RAP1GAP2: variants seen among roughly 807,000 people sequenced by gnomAD.
RAP1GAP2 encodes the protein rap1 GTPase-activating protein 2.
In RAP1GAP2, 27 loss-of-function variants were observed where a neutral mutation model predicts 95.0. That is an observed-to-expected ratio of 0.28 (90% CI 0.21 to 0.39). RAP1GAP2 has a LOEUF of 0.39. Ranked by LOEUF, RAP1GAP2 falls within the 10% of genes least tolerant of loss-of-function variation. The probability of loss-of-function intolerance (pLI) is 1.00; values close to 1 mark genes in which losing one functional copy is unlikely to be tolerated. For missense variants in RAP1GAP2, 771 were observed against 970.0 expected (o/e 0.79, Z 2.72); for synonymous variants, 373 against 380.9 (o/e 0.98, Z 0.24).
At chr17:2,760,229 C>T (rs1490822206) in intron 1 of RAP1GAP2, among the ~76,000 whole-genome samples, 1 of 126,532 alleles carries the variant, frequency 7.9e-6, no homozygotes, top group Admixed American at 9.5e-5. Context: ...GGAGGCGGAG[C>T]TTGCAGTGAG....
chr17:2,878,068 G>A (rs769411890), intron 2 of RAP1GAP2, among the ~76,000 whole-genome samples: 16 of 152,084 alleles, frequency 1.1e-4, no homozygotes, highest in African/African-American at 1.4e-4. Context: ...GGACACACGC[G>A]TTACCTGGCA....
At chr17:3,021,234 T>C (rs528562402) in intron 19 of RAP1GAP2, among the ~76,000 whole-genome samples, 1 of 152,272 alleles carries the variant, frequency 6.6e-6, no homozygotes, top group South Asian at 2.1e-4. Context: ...TTATCAACTA[T>C]AGTCACTGTA....
chr17:2,948,170 C>T (rs890303604), intron 3 of RAP1GAP2, among the ~76,000 whole-genome samples: 1 of 152,214 alleles, frequency 6.6e-6, no homozygotes, highest in African/African-American at 2.4e-5. Context: ...GTCATGTTTT[C>T]AGCCCCATGC....
chr17:2,813,164 C>G (rs1473823730), intron 2 of RAP1GAP2, among the ~76,000 whole-genome samples: 1 of 151,512 alleles, frequency 6.6e-6, no homozygotes, highest in East Asian at 2.0e-4. Flanking sequence ...CTCCGCCTCC[C>G]AGGTTCAAGC....
rs1403452423 is a variant in RAP1GAP2, at chr17:2,963,833, C to G, written c.280-23C>G. 6 of 1,548,358 alleles carry G rather than the reference C, an allele frequency of 3.9e-6. No homozygotes were observed. The highest frequency in any genetic ancestry group is 1.9e-5 in the Admixed American group (1 of 52,412). ...CCTCCCCTGCGGTCCCAGGGGAGCG[C>G]ACGACCCTCCCTCTGCCTTCAGGTT... On this transcript the variant is annotated intron_variant, in intron 6 of 24. Transcript: ENST00000254695. This position sits in a 1 kb window ranked among gnomAD's most constrained non-coding sequence, Gnocchi z 4.8.
chr17:2,957,296 C>G (rs1295430761), intron 3 of RAP1GAP2, among the ~76,000 whole-genome samples: 1 of 152,200 alleles, frequency 6.6e-6, no homozygotes, highest in South Asian at 2.1e-4. Flanking sequence ...CCCTCCTTCC[C>G]TGGCTGCTGT....
chr17:2,856,533 A>G (rs1489940857), intron 2 of RAP1GAP2, among the ~76,000 whole-genome samples: 1 of 152,170 alleles, frequency 6.6e-6, no homozygotes, highest in Non-Finnish European at 1.5e-5. Context: ...CCAAGGTCAG[A>G]TGTCCGGTGG....
chr17:2,963,781 A>AG lies in RAP1GAP2; in HGVS notation c.280-74dup. Reference sequence around the variant, plus strand: ...CAGGCCCCACTCCTGGGAGCAGCGCAGAGGGGACACCGCCACCGGCCCCCT... The same window carrying AG: ...CAGGCCCCACTCCTGGGAGCAGCGCAGGAGGGGACACCGCCACCGGCCCCCT... On this transcript the variant is annotated intron_variant, in intron 6 of 24. Transcript: ENST00000254695. The surrounding 1 kb of genome is among the most constrained non-coding windows in gnomAD (Gnocchi z 4.8). The AG allele has an allele frequency of 7.7e-7, 1 of 1,305,996 alleles. No individual in the cohort carries two copies. Among genetic ancestry groups the AG allele is most frequent in the Non-Finnish European group, 1.1e-6 (1 of 949,054 alleles). 80.9% of individuals were successfully genotyped at this position (1,305,996 alleles called of 1,614,324 possible).
upstream of RAP1GAP2, among the ~76,000 whole-genome samples, chr17:2,793,065 G>A (rs557550147): frequency 6.6e-6 from 1 of 152,162 alleles, no homozygotes; most frequent in South Asian, 2.1e-4. Flanking sequence ...TCTCTCTCAT[G>A]TATGAAAGCG....
rs557494658 is a variant in RAP1GAP2 at position 3,015,932 on chromosome 17, G to A, written c.1495-2129G>A. Reference sequence around the variant, plus strand: ...CACAGTTGTACAGGTGTGCACAGGTGTGAATCCAGAGGGGAAGGGGAGCGG... The same window carrying A: ...CACAGTTGTACAGGTGTGCACAGGTATGAATCCAGAGGGGAAGGGGAGCGG... On this transcript the variant is annotated intron_variant, in intron 17 of 24. Transcript: ENST00000254695. 3.9e-5 allele frequency among the ~76,000 whole-genome samples: 6 copies of A among 152,292 alleles called. No homozygotes were observed. In the South Asian group the frequency reaches 1.0e-3, roughly 26 times the overall value.
chr17:3,016,850 G>A (rs1443423), intron 17 of RAP1GAP2, among the ~76,000 whole-genome samples: 104,797 of 152,080 alleles, frequency 0.69, 36,565 homozygotes, highest in Non-Finnish European at 0.75. Flanking sequence ...CAGCTAATGC[G>A]TGCTGGAGTA....
Position 3,005,549 on chromosome 17 carries a change from T to A in RAP1GAP2, c.1272+109T>A, listed in dbSNP as rs2046305378. On this transcript the variant is annotated intron_variant, in intron 15 of 24. Coordinates refer to ENST00000254695, the MANE Select transcript of RAP1GAP2 (RefSeq NM_015085.5). This position sits in a 1 kb window ranked among gnomAD's most constrained non-coding sequence, Gnocchi z 5.2. ...ATTCAGGCTGGGAACATTAGGGAGC[T>A]CCTTTTGCAGGTTTTGGGGGGAACC... The A allele has an allele frequency of 7.7e-6, 10 of 1,290,650 alleles. No homozygotes were observed. Among genetic ancestry groups the A allele is most frequent in the Non-Finnish European group, 1.1e-6 (1 of 887,162 alleles). 79.9% of individuals were successfully genotyped at this position (1,290,650 alleles called of 1,614,324 possible). A position where few individuals can be genotyped will look rare whatever the true frequency, so the allele number is the denominator to read the frequency against.
chr17:2,790,517 G>C (rs1472347577), intron 1 of RAP1GAP2, among the ~76,000 whole-genome samples: 1 of 152,204 alleles, frequency 6.6e-6, no homozygotes, highest in South Asian at 2.1e-4. Flanking sequence ...CAAAAGAGTA[G>C]GTCACCTGCC....
rs1018687416 is a variant in RAP1GAP2 at position 2,962,548 on chromosome 17, A to T, written c.202-122A>T. ...GGCCAGGTGTGATGTGTGCAGGCCC[A>T]GCACGGGCCAGCTTTTGCTGCTGCT... On this transcript the variant is annotated intron_variant, in intron 4 of 24. Transcript: ENST00000254695. 24 of 1,077,942 alleles carry T rather than the reference A, an allele frequency of 2.2e-5. No individual in the cohort carries two copies. In the African/African-American group the frequency reaches 3.7e-4, roughly 17 times the overall value. The allele number at this position is 1,077,942 out of a possible 1,614,324, so 66.8% of individuals were successfully genotyped here. A position where few individuals can be genotyped will look rare whatever the true frequency, so the allele number is the denominator to read the frequency against.
chr17:3,017,933 G>A (rs1369997689), intron 17 of RAP1GAP2, 128 bp from the exon 18 acceptor site: 7 of 797,836 alleles, frequency 8.8e-6, no homozygotes, highest in African/African-American at 7.3e-5. Flanking sequence ...GTGTGTGTGT[G>A]TGTGTGTGTG....
intron 1 of RAP1GAP2, among the ~76,000 whole-genome samples, chr17:2,758,166 GCCACGCCCCC>G (rs1178811196): frequency 5.7e-5 from 8 of 139,660 alleles, no homozygotes; most frequent in Middle Eastern, 3.8e-3. Flanking sequence ...ACCACGCCTG[GCCACGCCCCC>G]CCCCCTTTTT....
chr17:2,996,723 G>A (rs922751356), intron 13 of RAP1GAP2, among the ~76,000 whole-genome samples: 2 of 152,236 alleles, frequency 1.3e-5, no homozygotes, highest in African/African-American at 4.8e-5. Flanking sequence ...AATACACCTT[G>A]GCACAGGGCT....
chr17:2,868,061 G>A (rs753587873), intron 2 of RAP1GAP2, among the ~76,000 whole-genome samples: 19 of 152,136 alleles, frequency 1.2e-4, no homozygotes, highest in Non-Finnish European at 2.2e-4. Context: ...GGCTTTGCTC[G>A]GGGTTGGCTC....
At chr17:2,891,809 CTTTTCTTTTTTTTT>C (rs1279832894) in intron 2 of RAP1GAP2, among the ~76,000 whole-genome samples, 24 of 58,030 alleles carry the variant, frequency 4.1e-4, no homozygotes, top group Non-Finnish European at 8.1e-5. Flanking sequence ...ATTCATATTT[CTTTTCTTTTTTTTT>C]TTTTTTTTTT....
Sources: allele counts gnomAD v4.1 joint callset (sites outside exome capture counted in the v4.1 genomes callset), GRCh38; gene constraint gnomAD v4.1.1; non-coding constraint Gnocchi (gnomAD v3.1); transcripts MANE v1.5; gene names NCBI Gene and HGNC (gene_info 2026-07-23, HGNC 2026-07-21).